The following IL19 variants were observed in gnomAD, a reference collection of about 807,000 sequenced individuals.
IL19 encodes the protein interleukin-19.
In IL19, 15 loss-of-function variants were observed where a neutral mutation model predicts 19.5. The observed-to-expected ratio is 0.77, with a 90% CI of 0.52 to 1.19. IL19 has a LOEUF of 1.19. Among genes scored for constraint, IL19 ranks in the 50% most tolerant of loss-of-function variants. IL19 has a pLI of 0.00. For missense variants in IL19, 199 were observed against 213.1 expected (o/e 0.93, Z 0.41); for synonymous variants, 78 against 78.3 (o/e 1.00, Z 0.02).
chr1:206,820,468 G>A (rs1676265263), intron 2 of IL19, among the ~76,000 whole-genome samples: 1 of 152,170 alleles, frequency 6.6e-6, no homozygotes, highest in African/African-American at 2.4e-5. Flanking sequence ...AACAATGTTT[G>A]CTTCTAACCA....
chr1:206,777,082 T>A (rs1211319375), intron 1 of IL19, among the ~76,000 whole-genome samples: 1 of 151,460 alleles, frequency 6.6e-6, no homozygotes, highest in Non-Finnish European at 1.5e-5. Context: ...ATAGAAAAAA[T>A]TAGCTGGGCG....
chr1:206,804,132 G>A (rs1675786202), intron 2 of IL19, among the ~76,000 whole-genome samples: 1 of 152,184 alleles, frequency 6.6e-6, no homozygotes, highest in Non-Finnish European at 1.5e-5. Context: ...ATGTAGCTGT[G>A]TAAATTCCAG....
At chr1:206,822,280 C>T (rs1676308778) in intron 2 of IL19, among the ~76,000 whole-genome samples, 1 of 152,152 alleles carries the variant, frequency 6.6e-6, no homozygotes, top group Admixed American at 6.5e-5. Context: ...GTGGGAATGG[C>T]AGCTGCAGGG....
intron 1 of IL19, among the ~76,000 whole-genome samples, chr1:206,796,139 C>CA (rs1558610329): frequency 1.3e-5 from 2 of 152,004 alleles, no homozygotes; most frequent in African/African-American, 4.8e-5. Flanking sequence ...CAGAAGCTCC[C>CA]AGGCAGGAGA....
intron 2 of IL19, 74 bp from the exon 3 acceptor site, chr1:206,836,587 G>A: frequency 7.2e-6 from 10 of 1,383,202 alleles, no homozygotes; most frequent in South Asian, 1.4e-5. Context: ...CTGGAAAGGA[G>A]CGTCAATCAG....
chr1:206,770,838 T>A lies in IL19; in HGVS notation c.-389T>A, dbSNP rs1485393293. 7.0e-7 allele frequency: 1 copy of A among 1,434,972 alleles called. No homozygotes were observed. Among genetic ancestry groups the A allele is most frequent in the Non-Finnish European group, 9.8e-7 (1 of 1,015,660 alleles). The allele number at this position is 1,434,972 out of a possible 1,614,324, so 88.9% of individuals were successfully genotyped here. The stretch of plus-strand genomic sequence containing the variant: ...TTTGCTGTGTCTGTGGATGTGAGTG[T>A]CCCTGCTGGTCTGTAGGAGATGGTA... On this transcript the variant is annotated 5_prime_UTR_variant, in exon 1 of 7. Coordinates refer to ENST00000659997, the MANE Select transcript of IL19 (RefSeq NM_153758.5).
At position 206,772,768 on chromosome 1, in the gene IL19, G is replaced by A. The variant is rs559012700; in HGVS notation, c.-149+1690G>A. On this transcript the variant is annotated intron_variant, in intron 1 of 6. Transcript: ENST00000659997. ...CTCAATTAAAAAAAGTTGATTTCCT[G>A]GGGAGAACAGCTGTTCTGTGCGCAG... Among the ~76,000 whole-genome samples the A allele has an allele frequency of 3.9e-5, 6 of 152,248 alleles. No individual in the cohort carries two copies. In the South Asian group the frequency reaches 1.2e-3, roughly 32 times the overall value.
intron 2 of IL19, among the ~76,000 whole-genome samples, chr1:206,812,790 G>T (rs1676046937): frequency 6.6e-6 from 1 of 152,086 alleles, no homozygotes; most frequent in South Asian, 2.1e-4. Flanking sequence ...TGACTAGTTA[G>T]TTGCTTACTG....
At chr1:206,783,462 C>T (rs182417248) in intron 1 of IL19, among the ~76,000 whole-genome samples, 3 of 152,340 alleles carry the variant, frequency 2.0e-5, no homozygotes, top group Admixed American at 6.5e-5. Flanking sequence ...TGATCTGAGA[C>T]TGTTCCCAGC....
At chr1:206,835,229 T>C (rs916973226) in intron 2 of IL19, among the ~76,000 whole-genome samples, 1 of 152,164 alleles carries the variant, frequency 6.6e-6, no homozygotes, top group Non-Finnish European at 1.5e-5. Context: ...TTTCTTGGCT[T>C]TCTAGAAGCA....
chr1:206,828,188 A>G (rs551029356), intron 2 of IL19, among the ~76,000 whole-genome samples: 21 of 2,092 alleles, frequency 0.01, no homozygotes, highest in Admixed American at 0.096. Context: ...GCTATATAGG[A>G]CATCTCCCAC....
intron 1 of IL19, among the ~76,000 whole-genome samples, chr1:206,794,775 C>T (rs936890821): frequency 2.0e-5 from 3 of 152,160 alleles, no homozygotes; most frequent in African/African-American, 7.2e-5. Flanking sequence ...TTGGGGATTT[C>T]CCTGGACCAC....
chr1:206,777,599 G>A (rs1408119364), intron 1 of IL19, among the ~76,000 whole-genome samples: 1 of 152,110 alleles, frequency 6.6e-6, no homozygotes, highest in Non-Finnish European at 1.5e-5. Context: ...CGGGCTTGCT[G>A]GACTCTGGGT....
intron 1 of IL19, among the ~76,000 whole-genome samples, chr1:206,798,441 C>T (rs1418093138): frequency 1.3e-5 from 2 of 152,126 alleles, no homozygotes; most frequent in African/African-American, 4.8e-5. Context: ...TAATTTTAAG[C>T]GCCCACCTTC....
At chr1:206,780,328 A>G (rs965653829) in intron 1 of IL19, among the ~76,000 whole-genome samples, 2 of 152,328 alleles carry the variant, frequency 1.3e-5, no homozygotes, top group Admixed American at 6.5e-5. Flanking sequence ...TTCTGGGCAC[A>G]TCCAAGGTTC....
chr1:206,771,283 G>T, intron 1 of IL19: 2 of 1,381,006 alleles, frequency 1.4e-6, no homozygotes, highest in Non-Finnish European at 2.1e-6. Flanking sequence ...CCAATTCCCT[G>T]CAATCAGGAA....
intron 2 of IL19, among the ~76,000 whole-genome samples, chr1:206,805,363 C>G (rs953958852): frequency 6.6e-6 from 1 of 152,200 alleles, no homozygotes; most frequent in African/African-American, 2.4e-5. Flanking sequence ...GTGATAGATT[C>G]AGGAAAATCA....
chr1:206,797,775 T>C (rs1229970241), intron 1 of IL19, among the ~76,000 whole-genome samples: 1 of 152,136 alleles, frequency 6.6e-6, no homozygotes, highest in Non-Finnish European at 1.5e-5. Flanking sequence ...TGGGACATGA[T>C]GGGAGTCTGG....
At chr1:206,822,406 C>T (rs1010609377) in intron 2 of IL19, among the ~76,000 whole-genome samples, 3 of 152,188 alleles carry the variant, frequency 2.0e-5, no homozygotes, top group Non-Finnish European at 4.4e-5. Flanking sequence ...ACTTGTGCTC[C>T]TCTTCCATGT....
Sources: allele counts gnomAD v4.1 joint callset (sites outside exome capture counted in the v4.1 genomes callset), GRCh38; gene constraint gnomAD v4.1.1; transcripts MANE v1.5; gene names NCBI Gene and HGNC (gene_info 2026-07-23, HGNC 2026-07-21).